Variants in IL1RAPL2 observed in about 807,000 individuals in gnomAD.
IL1RAPL2 encodes the protein interleukin 1 receptor accessory protein like 2, also known as X-linked interleukin-1 receptor accessory protein-like 2.
Under a neutral mutation model 44.1 loss-of-function variants are expected in IL1RAPL2, and 3 were observed. The ratio of observed to expected loss-of-function variants is 0.07; its 90% CI spans 0.03 to 0.18. IL1RAPL2 has a LOEUF of 0.18. Among genes scored for constraint, IL1RAPL2 ranks in the 10% least tolerant of loss-of-function variants. IL1RAPL2 has a pLI of 1.00. For synonymous variants in IL1RAPL2, 181 were observed against 178.8 expected (o/e 1.01, Z -0.10); for missense variants, 391 against 496.4 (o/e 0.79, Z 2.02).
chrX:105,143,655 T>C (rs2033148561), intron 2 of IL1RAPL2, among the ~76,000 whole-genome samples: 1 of 112,491 alleles, frequency 8.9e-6, no homozygotes, highest in Admixed American at 9.4e-5. Context: ...CGTATGTTTA[T>C]TGCAGCACTA....
At chrX:105,665,376 T>TGTAA (rs1444085410) in intron 6 of IL1RAPL2, among the ~76,000 whole-genome samples, 1 of 110,640 alleles carries the variant, frequency 9.0e-6, no homozygotes. Flanking sequence ...TGTGTGTGTG[T>TGTAA]GTAATTTAAG....
chrX:104,919,312 G>T lies in IL1RAPL2; in HGVS notation c.82+260317G>T, dbSNP rs372787993. On this transcript the variant is annotated intron_variant, in intron 2 of 10. Transcript: ENST00000372582. Reference sequence around the variant, plus strand: ...GTGATCTCGGCTCACTGCAACCTCTGCCTACTGGGTTCAAGCGATTCTCCT... The same window carrying T: ...GTGATCTCGGCTCACTGCAACCTCTTCCTACTGGGTTCAAGCGATTCTCCT... Among the ~76,000 whole-genome samples the T allele has an allele frequency of 2.3e-4, 24 of 103,973 alleles. No individual in the cohort carries two copies. The East Asian group carries it at 6.8e-3, about 29-fold the overall frequency. The allele number at this position is 103,973 out of a possible 115,157, so 90.3% of individuals were successfully genotyped here. A position where few individuals can be genotyped will look rare whatever the true frequency, so the allele number is the denominator to read the frequency against.
At chrX:105,314,860 G>A (rs1227015471) in intron 5 of IL1RAPL2, among the ~76,000 whole-genome samples, 1 of 111,597 alleles carries the variant, frequency 9.0e-6, no homozygotes, top group Non-Finnish European at 1.9e-5. Flanking sequence ...TAGTTCTCTA[G>A]GGAAGAATAT....
chrX:105,162,460 A>G (rs766452315), intron 2 of IL1RAPL2, among the ~76,000 whole-genome samples: 3 of 112,411 alleles, frequency 2.7e-5, no homozygotes, highest in African/African-American at 9.7e-5. Context: ...AGTGGCCACA[A>G]TCTTCTAAAG....
chrX:105,687,261 AC>A (rs2037987986), intron 6 of IL1RAPL2, among the ~76,000 whole-genome samples: 1 of 109,332 alleles, frequency 9.1e-6, no homozygotes, highest in African/African-American at 3.3e-5. Context: ...CAAAAAAAAA[AC>A]CCTTCAAAAA....
intron 2 of IL1RAPL2, among the ~76,000 whole-genome samples, chrX:104,962,971 G>A (rs2030037161): frequency 9.0e-6 from 1 of 111,628 alleles, no homozygotes; most frequent in Admixed American, 9.5e-5. Context: ...TATTGTTAGT[G>A]GTCGTCAATA....
chrX:105,220,353 G>T (rs1333322505), intron 3 of IL1RAPL2: 10 of 1,200,944 alleles, frequency 8.3e-6, no homozygotes, highest in South Asian at 3.6e-5. Flanking sequence ...CCACCACGTT[G>T]CTATGCCGGA....
intron 4 of IL1RAPL2, among the ~76,000 whole-genome samples, 196 bp downstream of exon 4, chrX:105,234,200 G>A (rs986344349): frequency 2.7e-5 from 3 of 111,867 alleles, no homozygotes; most frequent in Admixed American, 9.5e-5. Flanking sequence ...GAAGCAATAC[G>A]CCTTTCTCCA....
At chrX:104,908,578 G>GAT (rs914485529) in intron 2 of IL1RAPL2, among the ~76,000 whole-genome samples, 4 of 111,249 alleles carry the variant, frequency 3.6e-5, no homozygotes, top group African/African-American at 1.3e-4. Flanking sequence ...AGTTTGGCTG[G>GAT]ATATGAAATT....
intron 2 of IL1RAPL2, among the ~76,000 whole-genome samples, chrX:104,780,937 A>G (rs760809912): frequency 8.9e-6 from 1 of 111,905 alleles, no homozygotes; most frequent in East Asian, 2.8e-4. Flanking sequence ...TTCTTATTCT[A>G]TCAGAATTCA....
At chrX:105,516,240 A>G (rs2036512944) in intron 6 of IL1RAPL2, among the ~76,000 whole-genome samples, 1 of 112,507 alleles carries the variant, frequency 8.9e-6, no homozygotes, top group Admixed American at 9.4e-5. Context: ...ATAAACCTGC[A>G]CAGCAGTAAT....
chrX:105,318,880 G>A (rs1487726907), intron 5 of IL1RAPL2, among the ~76,000 whole-genome samples: 1 of 112,282 alleles, frequency 8.9e-6, no homozygotes, highest in Non-Finnish European at 1.9e-5. Context: ...ACAGGTCCAG[G>A]TGTCCAAAGG....
rs754367990 is a variant in IL1RAPL2, at chrX:104,977,109, G to T, written c.83-218366G>T. Among the ~76,000 whole-genome samples, 8 of 111,671 alleles carry T rather than the reference G, an allele frequency of 7.2e-5. No individual in the cohort carries two copies. The East Asian group carries it at 2.3e-3, about 32-fold the overall frequency. On this transcript the variant is annotated intron_variant, in intron 2 of 10. Coordinates refer to ENST00000372582, the MANE Select transcript of IL1RAPL2 (RefSeq NM_017416.2). ...AACTTATCTGATATTGTGGGGAAGG[G>T]TTCAGAGGGGACACTCACCCATTCA...
intron 6 of IL1RAPL2, among the ~76,000 whole-genome samples, chrX:105,569,510 T>C (rs749881002): frequency 3.6e-5 from 4 of 111,729 alleles, no homozygotes; most frequent in African/African-American, 6.5e-5. Flanking sequence ...CTGTAATTTC[T>C]TGATGGGAGC....
intron 2 of IL1RAPL2, among the ~76,000 whole-genome samples, chrX:104,762,712 T>A (rs1042620902): frequency 1.8e-5 from 2 of 112,482 alleles, no homozygotes; most frequent in Non-Finnish European, 3.8e-5. Flanking sequence ...TAGCCAGAGG[T>A]TCCCAAACCC....
At chrX:105,038,967 A>G (rs1008248303) in intron 2 of IL1RAPL2, among the ~76,000 whole-genome samples, 6 of 111,726 alleles carry the variant, frequency 5.4e-5, no homozygotes, top group African/African-American at 2.0e-4. Context: ...GGTAGTTTCA[A>G]TAAGGGAATA....
intron 2 of IL1RAPL2, among the ~76,000 whole-genome samples, chrX:104,797,815 A>C (rs1932860003): frequency 8.9e-6 from 1 of 112,403 alleles, no homozygotes; most frequent in Non-Finnish European, 1.9e-5. Flanking sequence ...TTTTCTGTCC[A>C]AAAAACTATT....
At chrX:104,887,547 T>C (rs1198756992) in intron 2 of IL1RAPL2, among the ~76,000 whole-genome samples, 1 of 111,289 alleles carries the variant, frequency 9.0e-6, no homozygotes, top group African/African-American at 3.3e-5. Context: ...ACTCATGACG[T>C]AAATGGCATA....
At chrX:105,664,277 G>A (rs2037741085) in intron 6 of IL1RAPL2, among the ~76,000 whole-genome samples, 1 of 111,737 alleles carries the variant, frequency 8.9e-6, no homozygotes, top group Admixed American at 9.5e-5. Flanking sequence ...CATATTCTGG[G>A]GAAAAGTGCC....
Sources: gnomAD v4.1 joint callset for allele counts (sites outside exome capture counted in the v4.1 genomes callset) on GRCh38, gnomAD v4.1.1 for gene constraint, MANE v1.5 for transcripts, NCBI Gene and HGNC (gene_info 2026-07-23, HGNC 2026-07-21) for gene names.